The following USP40 variants were observed in gnomAD, a reference collection of about 807,000 sequenced individuals.
The protein encoded by USP40 is ubiquitin carboxyl-terminal hydrolase 40.
Under a neutral mutation model 166.2 loss-of-function variants are expected in USP40, and 143 were observed. The ratio of observed to expected loss-of-function variants is 0.86; its 90% CI spans 0.75 to 0.99. USP40 has a LOEUF of 0.99. Ranked by LOEUF, USP40 falls within the 50% of genes least tolerant of loss-of-function variation. The probability of loss-of-function intolerance (pLI) is 0.00; values close to 1 mark genes in which losing one functional copy is unlikely to be tolerated. For missense variants in USP40, 1,444 were observed against 1,479.7 expected, an observed-to-expected ratio of 0.98 and a Z score of 0.40; for synonymous variants, 498 against 524.0, an observed-to-expected ratio of 0.95 and a Z score of 0.68.
intron 10 of USP40, among the ~76,000 whole-genome samples, chr2:233,540,282 T>C (rs1396847380): frequency 6.6e-6 from 1 of 152,154 alleles, no homozygotes; most frequent in Non-Finnish European, 1.5e-5. Flanking sequence ...ATGAGATATT[T>C]TGAACAAGTT....
intron 8 of USP40, chr2:233,546,576 A>G (rs775577602): frequency 2.6e-5 from 4 of 152,296 alleles, no homozygotes; most frequent in Admixed American, 6.6e-5. Flanking sequence ...CTGAAGAGAG[A>G]CACGGCAATA....
chr2:233,502,784 C>G (rs536920056), intron 21 of USP40, among the ~76,000 whole-genome samples: 21 of 152,178 alleles, frequency 1.4e-4, no homozygotes, highest in South Asian at 1.2e-3. Flanking sequence ...AGCTGAAGAA[C>G]TGGCATAGGG....
Position 233,493,699 on chromosome 2 carries a change from T to C in USP40, c.2791-148A>G, listed in dbSNP as rs2065492612. 4 of 1,056,428 alleles carry C rather than the reference T, an allele frequency of 3.8e-6. No individual in the cohort carries two copies. Among genetic ancestry groups the C allele is most frequent in the Non-Finnish European group, 5.2e-6 (4 of 767,094 alleles). 65.4% of individuals were successfully genotyped at this position (1,056,428 alleles called of 1,614,324 possible). On this transcript the variant is annotated intron_variant, in intron 24 of 31. Transcript: ENST00000678225. The surrounding 1 kb of genome is among the most constrained non-coding windows in gnomAD (Gnocchi z 4.7). ...TAGATTTATTAACTGTCATAAATTATACTTGTTTTTACAATCAAAAATTTA... is the reference window on the plus strand; with the variant it reads ...TAGATTTATTAACTGTCATAAATTACACTTGTTTTTACAATCAAAAATTTA...
Position 233,559,827 on chromosome 2 carries a change from C to T in USP40, c.365G>A (p.Gly122Glu). 1 of 1,608,502 alleles carries T rather than the reference C, an allele frequency of 6.2e-7. No individual in the cohort carries two copies. Among genetic ancestry groups the T allele is most frequent in the Non-Finnish European group, 8.5e-7 (1 of 1,177,522 alleles). ...ASTADLTDSF[G>E]WTSNEEMRQH... ...TCCTCGTACCTCATTACTGGTCCAC[C>T]CAAAGCTGTCAGTGAGGTCTGCTGT... is the stretch of plus-strand genomic sequence containing the variant. Residue 122 changes from glycine (G) to glutamate (E), a missense_variant, in exon 4 of 32, where the codon GGG (glycine) becomes GAG (glutamate). Gly to Glu is a moderately conservative substitution (Grantham distance 98, BLOSUM62 -2). Coordinates refer to ENST00000678225, the MANE Select transcript of USP40 (RefSeq NM_001365479.2).
Position 233,512,638 on chromosome 2 carries a change from ATAT to A in USP40, c.2384-19_2384-17del. 1 of 1,404,628 alleles carries A rather than the reference ATAT, an allele frequency of 7.1e-7. No individual in the cohort carries two copies. 87.0% of individuals were successfully genotyped at this position (1,404,628 alleles called of 1,614,324 possible). On this transcript the variant is annotated splice_polypyrimidine_tract_variant and intron_variant, in intron 18 of 31. Transcript: ENST00000678225. ...CTGTTGTCAGCTATATATAAAAGGA[ATAT>A]TATTTTTCTTAGAGAGCTAGGAATT...
At position 233,565,492 on chromosome 2, in the gene USP40, C is replaced by G; in HGVS notation, c.63G>C (p.Gly21=). 2.0e-6 allele frequency: 3 copies of G among 1,537,184 alleles called. No homozygotes were observed. Among genetic ancestry groups the G allele is most frequent in the Non-Finnish European group, 1.7e-6 (2 of 1,146,828 alleles). The part of the protein sequence containing the change: ...STVSNNQYGK[G]KKLKTKALEP... ...CCAAAGCTTTAGTCTTTAATTTCTT[C>G]CCTTTTCCATACTGATTATTAGACA... Residue 21 remains glycine, a synonymous_variant, in exon 2 of 32, where the codon GGG becomes GGC. Coordinates refer to ENST00000678225, the MANE Select transcript of USP40 (RefSeq NM_001365479.2).
chr2:233,479,875 G>A (rs1276259410), intron 31 of USP40, among the ~76,000 whole-genome samples: 2 of 152,162 alleles, frequency 1.3e-5, no homozygotes, highest in Non-Finnish European at 2.9e-5. Flanking sequence ...CCAGACCCCG[G>A]AGAGCAGAGA....
intron 8 of USP40, among the ~76,000 whole-genome samples, chr2:233,547,808 GTA>G (rs2070123217): frequency 1.3e-5 from 2 of 152,198 alleles, no homozygotes; most frequent in African/African-American, 4.8e-5. Flanking sequence ...ATCCCACTGA[GTA>G]TGTGTGTGTA....
chr2:233,532,711 G>A (rs966465467), intron 11 of USP40, among the ~76,000 whole-genome samples: 1 of 152,194 alleles, frequency 6.6e-6, no homozygotes, highest in Non-Finnish European at 1.5e-5. Context: ...GGAGGCTGAG[G>A]TGTGAGCATC....
chr2:233,503,667 G>A (rs898742034), intron 21 of USP40, among the ~76,000 whole-genome samples: 16 of 152,072 alleles, frequency 1.1e-4, no homozygotes, highest in Admixed American at 8.5e-4. Flanking sequence ...ATCATATCCA[G>A]CAAAGCTATC....
At chr2:233,525,603 G>A in intron 13 of USP40, 41 bp from the exon 14 acceptor site, 1 of 1,479,388 alleles carries the variant, frequency 6.8e-7, no homozygotes, top group South Asian at 1.2e-5. Context: ...GTTGAAAAGT[G>A]ACATATACAT....
chr2:233,477,369 A>G lies in USP40; in HGVS notation c.*23T>C. ...GGCATCAGCCGGAGAGTTCATCGGG[A>G]GTAGAGCCGTGCAGCGGCGCGGTTA... On this transcript the variant is annotated 3_prime_UTR_variant, in exon 32 of 32. Coordinates refer to ENST00000678225, the MANE Select transcript of USP40 (RefSeq NM_001365479.2). 1.2e-6 allele frequency: 2 copies of G among 1,607,020 alleles called. No individual in the cohort carries two copies. The highest frequency in any genetic ancestry group is 1.7e-6 in the Non-Finnish European group (2 of 1,174,842).
chr2:233,557,742 T>C (rs1219699960), intron 4 of USP40, among the ~76,000 whole-genome samples: 1 of 152,106 alleles, frequency 6.6e-6, no homozygotes, highest in African/African-American at 2.4e-5. Context: ...GAGAAGTGTC[T>C]TCTGGACTTG....
chr2:233,509,695 G>T (rs911157501), intron 21 of USP40, among the ~76,000 whole-genome samples: 1 of 151,858 alleles, frequency 6.6e-6, no homozygotes, highest in African/African-American at 2.4e-5. Context: ...ACAAAAATTA[G>T]CTGGGTGTGG....
At chr2:233,477,726 C>T (rs2064262343) in intron 31 of USP40, among the ~76,000 whole-genome samples, 1 of 152,268 alleles carries the variant, frequency 6.6e-6, no homozygotes, top group Non-Finnish European at 1.5e-5. Context: ...GGCAGCACGG[C>T]ATGGTTCAGG....
At chr2:233,529,707 A>G (rs1257942587) in intron 11 of USP40, among the ~76,000 whole-genome samples, 195 bp from the exon 12 acceptor site, 1 of 152,112 alleles carries the variant, frequency 6.6e-6, no homozygotes, top group Non-Finnish European at 1.5e-5. Context: ...TGAAAAGTAA[A>G]CATTTCTTTA....
At chr2:233,566,549 C>G (rs1191716432) in intron 1 of USP40, 135 bp downstream of exon 1, 3 of 418,120 alleles carry the variant, frequency 7.2e-6, no homozygotes, top group African/African-American at 4.3e-5. Flanking sequence ...ACCACTGCCC[C>G]GACTCCAGGA....
At chr2:233,513,499 A>G (rs2066970996) in intron 18 of USP40, among the ~76,000 whole-genome samples, 3 of 152,134 alleles carry the variant, frequency 2.0e-5, no homozygotes, top group Admixed American at 6.5e-5. Context: ...TGTGTTATTT[A>G]TGTGATGAAT....
chr2:233,509,986 T>C, intron 21 of USP40, 63 bp downstream of exon 21: 1 of 1,306,402 alleles, frequency 7.7e-7, no homozygotes, highest in Non-Finnish European at 1.1e-6. Flanking sequence ...AGGATACCAC[T>C]GTTCCTCACA....
Sources: gnomAD v4.1 joint callset for allele counts (sites outside exome capture counted in the v4.1 genomes callset) on GRCh38, gnomAD v4.1.1 for gene constraint, Gnocchi (gnomAD v3.1) non-coding constraint, MANE v1.5 for transcripts, NCBI Gene and HGNC (gene_info 2026-07-23, HGNC 2026-07-21) for gene names.